The following TRIM16 variants were observed in gnomAD, a reference collection of about 807,000 sequenced individuals.
TRIM16 encodes tripartite motif containing 16.
Under a neutral mutation model 50.4 loss-of-function variants are expected in TRIM16, and 33 were observed. The observed-to-expected ratio is 0.65, with a 90% CI of 0.50 to 0.88. The LOEUF (loss-of-function observed/expected upper bound fraction) is 0.88. TRIM16 is among the 40% of genes least tolerant of loss of function. The pLI, the probability that TRIM16 is intolerant of heterozygous loss-of-function variation, is 0.00. For synonymous variants in TRIM16, 229 were observed against 270.7 expected (o/e 0.85, Z 1.51); for missense variants, 581 against 686.8 (o/e 0.85, Z 1.72).
chr17:15,639,815 G>C (rs1987036060), intron 8 of TRIM16, among the ~76,000 whole-genome samples: 1 of 149,094 alleles, frequency 6.7e-6, no homozygotes, highest in Non-Finnish European at 1.5e-5. Context: ...GGCCCCCCAA[G>C]TGGCAAACCT....
rs1986267213 is a variant in TRIM16 at position 15,629,122 on chromosome 17, G to C, written c.1188C>G (p.Thr396=). ...LRLQEENRKV[T]NTTPWEHPYP... ...AGGGATGCTCCCAGGGCGTGGTGTT[G>C]GTGACCTTGCGGTTCTCCTCCTGCA... The change falls in exon 12 of 12, where the codon ACC becomes ACG. Residue 396 remains threonine (T), a synonymous_variant. Transcript: ENST00000649191. 6.2e-7 allele frequency: 1 copy of C among 1,613,464 alleles called. No individual in the cohort carries two copies. Among genetic ancestry groups the C allele is most frequent in the East Asian group, 2.2e-5 (1 of 44,864 alleles).
chr17:15,672,762 A>G (rs1444722630), intron 6 of TRIM16, among the ~76,000 whole-genome samples: 2 of 152,192 alleles, frequency 1.3e-5, no homozygotes, highest in Non-Finnish European at 2.9e-5. Context: ...CTAATCTGAG[A>G]GGAGAGCACA....
intron 7 of TRIM16, among the ~76,000 whole-genome samples, chr17:15,643,795 C>T (rs1987224342): frequency 6.6e-6 from 1 of 152,230 alleles, no homozygotes; most frequent in Admixed American, 6.5e-5. Flanking sequence ...GCTGACCCCA[C>T]AAGAGCCAAA....
intron 9 of TRIM16, among the ~76,000 whole-genome samples, chr17:15,634,747 G>T (rs1435820024): frequency 4.8e-5 from 7 of 147,156 alleles, no homozygotes; most frequent in Non-Finnish European, 6.0e-5. Context: ...GGAGGCGGAG[G>T]TTGCAGTGAG....
intron 6 of TRIM16, among the ~76,000 whole-genome samples, chr17:15,668,303 G>A (rs1988585633): frequency 6.6e-6 from 1 of 152,172 alleles, no homozygotes; most frequent in Non-Finnish European, 1.5e-5. Flanking sequence ...TTCACTGCCT[G>A]AAAATAGTTG....
chr17:15,629,871 C>G (rs2150894765), intron 11 of TRIM16, among the ~76,000 whole-genome samples: 1 of 152,310 alleles, frequency 6.6e-6, no homozygotes, highest in South Asian at 2.1e-4. Flanking sequence ...CCTAAGCCAC[C>G]ACTCATCTCA....
intron 8 of TRIM16, among the ~76,000 whole-genome samples, chr17:15,637,467 T>G: frequency 9.5e-6 from 1 of 104,814 alleles, no homozygotes; most frequent in African/African-American, 3.7e-5. Context: ...CGGCCGCCCC[T>G]ACTGGGAAGT....
Position 15,632,556 on chromosome 17 carries a change from T to C in TRIM16, c.968A>G (p.Gln323Arg), listed in dbSNP as rs1986485104. 6.2e-7 allele frequency: 1 copy of C among 1,612,980 alleles called. No individual in the cohort carries two copies. Among genetic ancestry groups the C allele is most frequent in the African/African-American group, 1.3e-5 (1 of 74,828 alleles). Reference protein sequence around the residue: ...VITESTVHLIQLLENYKKKLQ... With the variant: ...VITESTVHLIRLLENYKKKLQ... ...CTTTTTCTTATAGTTCTCCAGCAAC[T>C]GGATTAAGTGTACAGTGGATTCCGT... The change falls in exon 10 of 12, where the codon CAG becomes CGG. Residue 323 changes from glutamine (Q) to arginine (R), a missense_variant. Gln to Arg is a conservative substitution (Grantham distance 43, BLOSUM62 1). Around this residue, in one of 3 missense-constraint regions of TRIM16, gnomAD observed 450 missense variants for 544.3 expected, o/e 0.83. Transcript: ENST00000649191.
At chr17:15,662,785 T>C (rs1988299221) in intron 6 of TRIM16, among the ~76,000 whole-genome samples, 1 of 152,158 alleles carries the variant, frequency 6.6e-6, no homozygotes, top group Admixed American at 6.5e-5. Context: ...TGAGATTGGG[T>C]AACTGACCCA....
At chr17:15,632,867 C>T in intron 9 of TRIM16, 193 bp from the exon 10 acceptor site, 2 of 665,244 alleles carry the variant, frequency 3.0e-6, no homozygotes, top group Non-Finnish European at 4.6e-6. Context: ...GCTAGACCCT[C>T]AGAATAAGTG....
chr17:15,655,534 G>A (rs537528543), intron 6 of TRIM16, among the ~76,000 whole-genome samples: 1 of 151,940 alleles, frequency 6.6e-6, no homozygotes, highest in Non-Finnish European at 1.5e-5. Flanking sequence ...CAGGAAATGG[G>A]AATGTGGGCC....
chr17:15,664,422 G>A (rs1988383949), intron 6 of TRIM16, among the ~76,000 whole-genome samples: 1 of 152,224 alleles, frequency 6.6e-6, no homozygotes, highest in South Asian at 2.1e-4. Context: ...ATGAAAGCCA[G>A]TGGGCATGGT....
intron 6 of TRIM16, among the ~76,000 whole-genome samples, chr17:15,665,149 T>C (rs559092287): frequency 1.2e-4 from 18 of 152,060 alleles, no homozygotes; most frequent in Admixed American, 6.5e-4. Flanking sequence ...GCTGCTGCTA[T>C]ACAACTCACT....
At chr17:15,629,355 G>T (rs1399225076) in intron 11 of TRIM16, among the ~76,000 whole-genome samples, 157 bp from the exon 12 acceptor site, 1 of 152,220 alleles carries the variant, frequency 6.6e-6, no homozygotes, top group African/African-American at 2.4e-5. Flanking sequence ...GAAATGAGGT[G>T]AGTGAAGACC....
chr17:15,639,033 C>A (rs1986991054), intron 8 of TRIM16, among the ~76,000 whole-genome samples: 5 of 138,996 alleles, frequency 3.6e-5, no homozygotes, highest in South Asian at 5.3e-4. Flanking sequence ...AATCTCCCTA[C>A]ATTCTCTCTC....
In TRIM16 at chr17:15,682,060, G is replaced by T. The variant is rs370188214; in HGVS notation, c.-679+794C>A. 3.6e-4 allele frequency among the ~76,000 whole-genome samples: 55 copies of T among 152,250 alleles called. No homozygotes were observed. In the Middle Eastern group the frequency reaches 0.01, roughly 28 times the overall value. ...CTTCATTTCCTAATTTTACAAAAGA[G>T]AATAATAATGGTACCTACGTTGCTA... On this transcript the variant is annotated intron_variant, in intron 3 of 11. Coordinates refer to ENST00000649191, the MANE Select transcript of TRIM16 (RefSeq NM_001348119.1).
chr17:15,677,075 G>A (rs1184077737), intron 6 of TRIM16, 101 bp downstream of exon 6: 3 of 619,044 alleles, frequency 4.8e-6, no homozygotes, highest in Non-Finnish European at 6.1e-6. Flanking sequence ...AAGTGAAGAT[G>A]AGACTGCAGG....
At chr17:15,665,608 T>C (rs974546442) in intron 6 of TRIM16, among the ~76,000 whole-genome samples, 1 of 152,208 alleles carries the variant, frequency 6.6e-6, no homozygotes, top group Non-Finnish European at 1.5e-5. Flanking sequence ...CACATTCTCC[T>C]GGCTGCCCAC....
chr17:15,640,258 T>C (rs1457754069), intron 8 of TRIM16, among the ~76,000 whole-genome samples: 3 of 147,934 alleles, frequency 2.0e-5, no homozygotes, highest in Non-Finnish European at 4.5e-5. Flanking sequence ...CTCTGGGCCC[T>C]GGCACATTCA....
Sources: gnomAD v4.1 joint callset for allele counts (sites outside exome capture counted in the v4.1 genomes callset) on GRCh38, gnomAD v4.1.1 for gene constraint, gnomAD v4.1.1 regional missense constraint, MANE v1.5 for transcripts, NCBI Gene and HGNC (gene_info 2026-07-23, HGNC 2026-07-21) for gene names.